SPTSSB: variants seen among roughly 807,000 people sequenced by gnomAD.
SPTSSB encodes serine palmitoyltransferase small subunit B.
SPTSSB carries 6 observed loss-of-function variants against 7.7 expected under a neutral mutation model. The ratio of observed to expected loss-of-function variants is 0.78; its 90% CI spans 0.43 to 1.54. SPTSSB has a LOEUF of 1.54. Among genes scored for constraint, SPTSSB ranks in the 40% most tolerant of loss-of-function variants. SPTSSB has a pLI of 0.01. For missense variants in SPTSSB, 91 were observed against 93.0 expected (o/e 0.98, Z 0.09); for synonymous variants, 28 against 29.7 (o/e 0.94, Z 0.19).
At chr3:161,353,515 G>C (rs1421570642) in intron 2 of SPTSSB, among the ~76,000 whole-genome samples, 1 of 151,772 alleles carries the variant, frequency 6.6e-6, no homozygotes, top group East Asian at 1.9e-4. Context: ...AACAAATGGC[G>C]AAATATTTCT....
At chr3:161,357,267 A>G (rs1210713751) in intron 2 of SPTSSB, among the ~76,000 whole-genome samples, 1 of 152,248 alleles carries the variant, frequency 6.6e-6, no homozygotes, top group Non-Finnish European at 1.5e-5. Context: ...TTATAATCTT[A>G]TACTTAGAAG....
chr3:161,352,120 CA>C (rs1483170958), intron 2 of SPTSSB, among the ~76,000 whole-genome samples: 4 of 152,170 alleles, frequency 2.6e-5, no homozygotes, highest in Admixed American at 2.6e-4. Flanking sequence ...ATTAACTGTC[CA>C]AACTTAACAG....
chr3:161,369,307 T>TCTTTCTTTTTC, intron 1 of SPTSSB, among the ~76,000 whole-genome samples: 1 of 54,012 alleles, frequency 1.9e-5, no homozygotes, highest in Non-Finnish European at 3.0e-5. Flanking sequence ...TCTTTCTTTC[T>TCTTTCTTTTTC]TTCTTTCTCT....
chr3:161,364,693 A>T (rs938803660), intron 1 of SPTSSB, among the ~76,000 whole-genome samples: 4 of 151,198 alleles, frequency 2.6e-5, no homozygotes, highest in Non-Finnish European at 4.4e-5. Flanking sequence ...TATTTATTTA[A>T]TTTTTTTTGC....
intron 1 of SPTSSB, among the ~76,000 whole-genome samples, chr3:161,371,029 A>G (rs1423996639): frequency 6.6e-6 from 1 of 152,212 alleles, no homozygotes; most frequent in Non-Finnish European, 1.5e-5. Context: ...CCTAAAGTAC[A>G]GTAGTTTAAG....
At chr3:161,369,014 C>G (rs540106855) in intron 1 of SPTSSB, among the ~76,000 whole-genome samples, 132 of 152,260 alleles carry the variant, frequency 8.7e-4, no homozygotes, top group African/African-American at 3.2e-3. Context: ...ATGAGTAATG[C>G]CACTATGAAC....
intron 2 of SPTSSB, among the ~76,000 whole-genome samples, chr3:161,352,027 A>C (rs559832269): frequency 3.3e-5 from 5 of 152,086 alleles, no homozygotes; most frequent in African/African-American, 1.2e-4. Context: ...GGTGCTGTGG[A>C]CTCTCCATCT....
At chr3:161,367,983 T>C (rs1179913906) in intron 1 of SPTSSB, among the ~76,000 whole-genome samples, 1 of 152,212 alleles carries the variant, frequency 6.6e-6, no homozygotes, top group Non-Finnish European at 1.5e-5. Flanking sequence ...CAAAAAGATA[T>C]AGCATTGCAA....
At chr3:161,355,185 T>A (rs1469532048) in intron 2 of SPTSSB, among the ~76,000 whole-genome samples, 2 of 152,220 alleles carry the variant, frequency 1.3e-5, no homozygotes, top group African/African-American at 4.8e-5. Flanking sequence ...AGTATGAGCT[T>A]CTTTATAACT....
At chr3:161,356,381 T>C (rs336565) in intron 2 of SPTSSB, among the ~76,000 whole-genome samples, 14,454 of 152,210 alleles carry the variant, frequency 0.095, 809 homozygotes, top group East Asian at 0.24. Flanking sequence ...ATTTTATGAA[T>C]CTTCAGCAAC....
At chr3:161,346,398 T>C (rs1214104338) in intron 2 of SPTSSB, 43 bp from the exon 3 acceptor site, 2 of 1,009,060 alleles carry the variant, frequency 2.0e-6, no homozygotes, top group African/African-American at 1.6e-5. Context: ...GAACCAAACA[T>C]AGAATCACTT....
intron 2 of SPTSSB, chr3:161,348,004 T>A (rs1714337502): frequency 6.6e-6 from 1 of 152,162 alleles, no homozygotes; most frequent in Admixed American, 6.5e-5. Flanking sequence ...TCGGAAAGAC[T>A]TTATTCTCAA....
At chr3:161,354,621 C>T (rs902911354) in intron 2 of SPTSSB, among the ~76,000 whole-genome samples, 1 of 152,368 alleles carries the variant, frequency 6.6e-6, no homozygotes, top group African/African-American at 2.4e-5. Context: ...GATGGGATTA[C>T]AGGCGTGAGC....
intron 2 of SPTSSB, among the ~76,000 whole-genome samples, chr3:161,349,982 C>G (rs1318372963): frequency 3.3e-5 from 5 of 152,086 alleles, no homozygotes; most frequent in African/African-American, 1.2e-4. Context: ...AGACTTATGA[C>G]TCATTACACA....
chr3:161,350,838 C>T (rs1488527887), intron 2 of SPTSSB, among the ~76,000 whole-genome samples: 2 of 152,100 alleles, frequency 1.3e-5, no homozygotes, highest in Non-Finnish European at 1.5e-5. Context: ...AGGCCAACAT[C>T]GATCATTATT....
intron 2 of SPTSSB, among the ~76,000 whole-genome samples, chr3:161,353,481 A>G (rs184885721): frequency 1.4e-4 from 22 of 152,266 alleles, no homozygotes; most frequent in Middle Eastern, 3.4e-3. Context: ...TGGCTTCACT[A>G]CTTGAAAGGT....
intron 1 of SPTSSB, among the ~76,000 whole-genome samples, chr3:161,366,223 G>A (rs1056398270): frequency 6.6e-6 from 1 of 152,206 alleles, no homozygotes; most frequent in African/African-American, 2.4e-5. Flanking sequence ...CCAGGACAAA[G>A]CTAGAGGAAG....
chr3:161,367,154 G>T (rs1715256847), intron 1 of SPTSSB, among the ~76,000 whole-genome samples: 1 of 151,964 alleles, frequency 6.6e-6, no homozygotes, highest in Admixed American at 6.6e-5. Flanking sequence ...TCCAGCCTGG[G>T]CAAAAAGAGT....
At chr3:161,366,138 A>T (rs1363166127) in intron 1 of SPTSSB, among the ~76,000 whole-genome samples, 1 of 152,216 alleles carries the variant, frequency 6.6e-6, no homozygotes, top group Non-Finnish European at 1.5e-5. Flanking sequence ...AATTCTCTGG[A>T]AGACTGTAAG....
Sources: gnomAD v4.1 joint callset for allele counts (sites outside exome capture counted in the v4.1 genomes callset) on GRCh38, gnomAD v4.1.1 for gene constraint, MANE v1.5 for transcripts, NCBI Gene and HGNC (gene_info 2026-07-23, HGNC 2026-07-21) for gene names.